Variants in GPHN observed in about 807,000 individuals in gnomAD.
The protein encoded by GPHN is gephyrin.
Under a neutral mutation model 95.5 loss-of-function variants are expected in GPHN, and 17 were observed. That is an observed-to-expected ratio of 0.18 (90% CI 0.12 to 0.27). The LOEUF is 0.27. Ranked by LOEUF, GPHN falls within the 10% of genes least tolerant of loss-of-function variation. The pLI is 1.00. For synonymous variants in GPHN, 320 were observed against 322.5 expected (o/e 0.99, Z 0.08); for missense variants, 660 against 978.1 (o/e 0.67, Z 4.34).
chr14:67,238,204 G>A, the GPHN span, among the ~76,000 whole-genome samples: 2 of 151,208 alleles, frequency 1.3e-5, no homozygotes, highest in Admixed American at 1.3e-4. Context: ...GGAGATTCTG[G>A]GATTGGCTCA....
At chr14:66,637,147 A>G (rs974685486) in intron 1 of GPHN, among the ~76,000 whole-genome samples, 1 of 152,098 alleles carries the variant, frequency 6.6e-6, no homozygotes, top group African/African-American at 2.4e-5. Flanking sequence ...TCTTCAATTC[A>G]TTGGTTATTG....
At chr14:66,631,037 T>C (rs1166968022) in intron 1 of GPHN, among the ~76,000 whole-genome samples, 1 of 152,026 alleles carries the variant, frequency 6.6e-6, no homozygotes, top group East Asian at 1.9e-4. Flanking sequence ...AGTCGTTCTT[T>C]TTTTTTGTTT....
chr14:66,907,035 A>G (rs1330797386), intron 5 of GPHN, among the ~76,000 whole-genome samples: 2 of 152,150 alleles, frequency 1.3e-5, no homozygotes, highest in Non-Finnish European at 2.9e-5. Flanking sequence ...ATCATATACC[A>G]TTAAAGTGAC....
chr14:67,564,911 G>A, the GPHN span, among the ~76,000 whole-genome samples: 12 of 152,006 alleles, frequency 7.9e-5, no homozygotes, highest in Non-Finnish European at 1.5e-4. Flanking sequence ...GGCTGGTCTC[G>A]AACTCCCAGG....
intron 1 of GPHN, among the ~76,000 whole-genome samples, chr14:66,594,622 G>C (rs1473070928): frequency 6.6e-6 from 1 of 152,050 alleles, no homozygotes; most frequent in Non-Finnish European, 1.5e-5. Context: ...ACTTGCAGAA[G>C]AATAATATTA....
the GPHN span, among the ~76,000 whole-genome samples, chr14:67,644,110 T>C: frequency 1.3e-5 from 2 of 152,318 alleles, no homozygotes; most frequent in South Asian, 4.1e-4. Context: ...GCTATCTATA[T>C]TGCAGCCATG....
the GPHN span, among the ~76,000 whole-genome samples, chr14:67,539,127 T>G: frequency 1.3e-5 from 2 of 152,236 alleles, no homozygotes; most frequent in Non-Finnish European, 2.9e-5. Flanking sequence ...GTCTCAGATC[T>G]GCCACTTTTC....
At chr14:67,216,247 A>T in the GPHN span, among the ~76,000 whole-genome samples, 1 of 151,984 alleles carries the variant, frequency 6.6e-6, no homozygotes, top group South Asian at 2.1e-4. Flanking sequence ...TTTCTTGAGG[A>T]TTTTGTCATC....
the GPHN span, among the ~76,000 whole-genome samples, chr14:67,646,051 G>A: frequency 6.6e-6 from 1 of 152,196 alleles, no homozygotes; most frequent in East Asian, 1.9e-4. Flanking sequence ...CACAGCCTGA[G>A]GACTTCTTGG....
chr14:66,799,331 A>G (rs1195426215), intron 3 of GPHN, among the ~76,000 whole-genome samples: 1 of 151,984 alleles, frequency 6.6e-6, no homozygotes, highest in Non-Finnish European at 1.5e-5. Context: ...TATTAGATCT[A>G]TTTGGTCTAT....
At chr14:67,496,639 TTTTC>T in the GPHN span, among the ~76,000 whole-genome samples, 74 of 150,924 alleles carry the variant, frequency 4.9e-4, no homozygotes, top group African/African-American at 1.3e-3. Flanking sequence ...TCCCTTCCCC[TTTTC>T]TTTCTTTCTC....
chr14:67,710,484 T>C, the GPHN span, among the ~76,000 whole-genome samples: 2 of 152,216 alleles, frequency 1.3e-5, no homozygotes, highest in Admixed American at 6.5e-5. Context: ...CAGTTTGTCT[T>C]GAACATCCCT....
intron 9 of GPHN, among the ~76,000 whole-genome samples, chr14:66,991,585 A>G (rs1237463573): frequency 1.3e-5 from 2 of 151,536 alleles, no homozygotes; most frequent in Non-Finnish European, 2.9e-5. Context: ...TATGAAGTAT[A>G]TCAGTCTAAG....
the GPHN span, among the ~76,000 whole-genome samples, chr14:67,516,317 C>G: frequency 1.5e-4 from 23 of 152,184 alleles, no homozygotes; most frequent in Non-Finnish European, 2.8e-4. Context: ...AGAGGGTACC[C>G]TTTCTAATTC....
chr14:66,589,289 G>A (rs552979797), intron 1 of GPHN, among the ~76,000 whole-genome samples: 1 of 152,088 alleles, frequency 6.6e-6, no homozygotes, highest in Non-Finnish European at 1.5e-5. Context: ...ATACCAAATT[G>A]TAAAGTCTTT....
chr14:67,379,803 C>T, the GPHN span, among the ~76,000 whole-genome samples: 25 of 149,936 alleles, frequency 1.7e-4, no homozygotes, highest in East Asian at 2.6e-3. Context: ...TACAGGCGCC[C>T]GCCACTACGC....
At chr14:66,996,037 A>T (rs1413964736) in intron 9 of GPHN, 1 of 559,802 alleles carries the variant, frequency 1.8e-6, no homozygotes, top group African/African-American at 1.9e-5. Context: ...ACATGTTTTC[A>T]AACTCAAGTG....
chr14:67,089,115 A>ATTTTTTTTTTTTTTTTTTTTT (rs371624615), intron 12 of GPHN, 40 bp downstream of exon 12: 5 of 363,240 alleles, frequency 1.4e-5, no homozygotes, highest in South Asian at 2.9e-5. Flanking sequence ...CAGGCACTGT[A>ATTTTTTTTTTTTTTTTTTTTT]TTTTTTTTTC....
At chr14:67,489,333 C>T in the GPHN span, among the ~76,000 whole-genome samples, 1,634 of 152,290 alleles carry the variant, frequency 0.011, 29 homozygotes, top group African/African-American at 0.038. Flanking sequence ...TGCTTCCCAC[C>T]CAAATCTCAT....
Sources: allele counts gnomAD v4.1 joint callset (sites outside exome capture counted in the v4.1 genomes callset), GRCh38; gene constraint gnomAD v4.1.1; transcripts MANE v1.5; gene names NCBI Gene and HGNC (gene_info 2026-07-23, HGNC 2026-07-21).